The following CELF2 variants were observed in gnomAD, a reference collection of about 807,000 sequenced individuals.
CELF2 encodes CUGBP Elav-like family member 2, also known as CUG triplet repeat RNA-binding protein 2.
Under a neutral mutation model 62.6 loss-of-function variants are expected in CELF2, and 8 were observed. That is an observed-to-expected ratio of 0.13 (90% CI 0.07 to 0.23). The LOEUF is 0.23. Ranked by LOEUF, CELF2 falls within the 10% of genes least tolerant of loss-of-function variation. The probability of loss-of-function intolerance (pLI) is 1.00; values close to 1 mark genes in which losing one functional copy is unlikely to be tolerated. For missense variants in CELF2, 333 were observed against 671.0 expected, an observed-to-expected ratio of 0.50 and a Z score of 5.56; for synonymous variants, 258 against 250.0, an observed-to-expected ratio of 1.03 and a Z score of -0.30.
chr10:11,078,395 A>G (rs2072816133), intron 1 of CELF2, among the ~76,000 whole-genome samples: 1 of 152,220 alleles, frequency 6.6e-6, no homozygotes. Context: ...GCTTTTCCAG[A>G]GCTGAACGAG....
chr10:11,212,301 C>T (rs983319437), intron 2 of CELF2, among the ~76,000 whole-genome samples: 1 of 152,148 alleles, frequency 6.6e-6, no homozygotes, highest in African/African-American at 2.4e-5. Context: ...GATCTTCTTG[C>T]TGCTTCATGG....
intron 2 of CELF2, chr10:10,922,818 C>G (rs1407449646): frequency 6.6e-6 from 1 of 152,200 alleles, no homozygotes; most frequent in Admixed American, 6.5e-5. Flanking sequence ...AGTAATATAT[C>G]AGTGATTTCT....
chr10:11,016,967 G>A (rs892162195), upstream of CELF2, among the ~76,000 whole-genome samples: 3 of 152,210 alleles, frequency 2.0e-5, no homozygotes, highest in African/African-American at 7.2e-5. The surrounding 1 kb of genome is among the most constrained non-coding windows in gnomAD (Gnocchi z 5.2). Flanking sequence ...ATGCCATGAA[G>A]TCTTACATAC....
chr10:10,898,051 T>A (rs922857335), intron 1 of CELF2, among the ~76,000 whole-genome samples: 1 of 152,200 alleles, frequency 6.6e-6, no homozygotes, highest in Non-Finnish European at 1.5e-5. Context: ...TAAAGACTAA[T>A]GGAACCTTCT....
At chr10:10,784,584 C>G in the CELF2 span, 1 of 152,326 alleles carries the variant, frequency 6.6e-6, no homozygotes, top group African/African-American at 2.4e-5. Flanking sequence ...CCATCCCCAA[C>G]CAAAGTCTTG....
intron 1 of CELF2, among the ~76,000 whole-genome samples, chr10:10,864,675 C>T (rs1197195739): frequency 2.0e-5 from 3 of 152,106 alleles, no homozygotes; most frequent in African/African-American, 4.8e-5. Flanking sequence ...CTCCACTCTC[C>T]GTACCTCTTC....
At chr10:10,774,573 G>A in the CELF2 span, among the ~76,000 whole-genome samples, 5 of 152,204 alleles carry the variant, frequency 3.3e-5, no homozygotes, top group African/African-American at 1.2e-4. Context: ...CATGTGAGAT[G>A]TGCTGGCTTC....
At chr10:10,988,673 T>TAA (rs1416499577) in intron 2 of CELF2, among the ~76,000 whole-genome samples, 1 of 151,986 alleles carries the variant, frequency 6.6e-6, no homozygotes, top group South Asian at 2.1e-4. Flanking sequence ...AGTAAAAATA[T>TAA]AAAAAATATT....
intron 2 of CELF2, among the ~76,000 whole-genome samples, chr10:10,965,242 A>T (rs2049996944): frequency 6.6e-6 from 1 of 152,156 alleles, no homozygotes; most frequent in African/African-American, 2.4e-5. Context: ...CAGTAAGTTA[A>T]TAACTTACTG....
chr10:10,704,317 GTC>G, the CELF2 span, among the ~76,000 whole-genome samples: 1 of 150,664 alleles, frequency 6.6e-6, no homozygotes, highest in Non-Finnish European at 1.5e-5. Flanking sequence ...TTTTTTTTCT[GTC>G]TGTTTGCATA....
At chr10:10,893,427 G>A (rs773911854) in intron 1 of CELF2, among the ~76,000 whole-genome samples, 4 of 152,184 alleles carry the variant, frequency 2.6e-5, no homozygotes, top group Non-Finnish European at 4.4e-5. Flanking sequence ...TCAGGCAGGA[G>A]TAGGAGGCAA....
chr10:11,124,611 A>G (rs1279705909), intron 1 of CELF2, among the ~76,000 whole-genome samples: 1 of 152,186 alleles, frequency 6.6e-6, no homozygotes, highest in Admixed American at 6.5e-5. Context: ...TCAGTAAGGC[A>G]TTATCAGTCT....
At chr10:11,175,455 C>A (rs1241466417) in intron 2 of CELF2, among the ~76,000 whole-genome samples, 1 of 152,182 alleles carries the variant, frequency 6.6e-6, no homozygotes, top group Non-Finnish European at 1.5e-5. Context: ...TAGATAAGTT[C>A]TTTCAATTAA....
chr10:10,465,435 C>A, the CELF2 span, among the ~76,000 whole-genome samples: 2 of 152,088 alleles, frequency 1.3e-5, no homozygotes, highest in Non-Finnish European at 2.9e-5. Flanking sequence ...GTGTCTGGAG[C>A]TGACATAATG....
At chr10:10,639,434 A>G in the CELF2 span, among the ~76,000 whole-genome samples, 4 of 152,222 alleles carry the variant, frequency 2.6e-5, no homozygotes, top group South Asian at 2.1e-4. Flanking sequence ...AATATTAAGT[A>G]TAAGAATTAA....
chr10:10,552,549 A>G, the CELF2 span, among the ~76,000 whole-genome samples: 1 of 152,128 alleles, frequency 6.6e-6, no homozygotes, highest in Non-Finnish European at 1.5e-5. Flanking sequence ...TAAAAAAGCT[A>G]AATGTTTCCA....
At chr10:10,728,776 T>C in the CELF2 span, among the ~76,000 whole-genome samples, 1 of 152,224 alleles carries the variant, frequency 6.6e-6, no homozygotes, top group African/African-American at 2.4e-5. Context: ...TTTATTCTTT[T>C]AGGAAAACAT....
rs185437286 is a variant in CELF2, at chr10:11,306,258, G to A, written c.977-7881G>A. On this transcript the variant is annotated intron_variant, in intron 9 of 12. Coordinates refer to ENST00000633077, the MANE Select transcript of CELF2 (RefSeq NM_001326342.2). The surrounding 1 kb of genome is among the most constrained non-coding windows in gnomAD (Gnocchi z 4.4). ...GATTATGAACCAACATTTATAGACC[G>A]CACCTCTCCTGAGATGCTCCTTTGG... 4.1e-4 allele frequency among the ~76,000 whole-genome samples: 62 copies of A among 151,988 alleles called. No homozygotes were observed. The highest frequency in any genetic ancestry group is 1.2e-3 in the African/African-American group (48 of 41,452).
the CELF2 span, among the ~76,000 whole-genome samples, chr10:10,714,956 G>A: frequency 4.0e-5 from 6 of 151,888 alleles, no homozygotes; most frequent in Admixed American, 6.6e-5. Context: ...AAGATTCATC[G>A]CAGGGTGACT....
Sources: allele counts gnomAD v4.1 joint callset (sites outside exome capture counted in the v4.1 genomes callset), GRCh38; gene constraint gnomAD v4.1.1; non-coding constraint Gnocchi (gnomAD v3.1); transcripts MANE v1.5; gene names NCBI Gene and HGNC (gene_info 2026-07-23, HGNC 2026-07-21).